LIN28B: variants seen among roughly 807,000 people sequenced by gnomAD.
LIN28B encodes the protein protein lin-28 homolog B.
LIN28B carries 5 observed loss-of-function variants against 21.9 expected under a neutral mutation model. The observed-to-expected ratio is 0.23, with a 90% CI of 0.12 to 0.48. The LOEUF is 0.48. Ranked by LOEUF, LIN28B falls within the 20% of genes least tolerant of loss-of-function variation. LIN28B has a pLI of 0.98. For synonymous variants in LIN28B, 109 were observed against 111.3 expected, an observed-to-expected ratio of 0.98 and a Z score of 0.13; for missense variants, 245 against 310.5, an observed-to-expected ratio of 0.79 and a Z score of 1.58.
intron 2 of LIN28B, among the ~76,000 whole-genome samples, chr6:104,994,772 C>G (rs1217652425): frequency 6.6e-6 from 1 of 152,124 alleles, no homozygotes; most frequent in Non-Finnish European, 1.5e-5. Context: ...CGGTGTGAGA[C>G]AGTTGGTTGA....
intron 3 of LIN28B, among the ~76,000 whole-genome samples, chr6:105,048,598 G>A (rs370997370): frequency 6.6e-6 from 1 of 152,162 alleles, no homozygotes; most frequent in African/African-American, 2.4e-5. Context: ...AATGGTACCA[G>A]CTCCTCCTGT....
rs2114427742 is a variant in LIN28B, at chr6:105,078,725, T to C, written c.695T>C (p.Ile232Thr). The change falls in exon 4 of 4, where the codon ATA becomes ACA. Residue 232 changes from isoleucine (I) to threonine (T), a missense_variant. Physicochemically the swap from Ile to Thr is moderately conservative, Grantham distance 89. Coordinates refer to ENST00000345080, the MANE Select transcript of LIN28B (RefSeq NM_001004317.4). ...PQEASSTKSS[I>T]APEEQSKKGP... ...GAAGCTTCCTCCACGAAGTCATCTA[T>C]AGCACCAGAAGAGCAAAGCAAAAAG... The C allele has an allele frequency of 6.2e-7, 1 of 1,614,058 alleles. No individual in the cohort carries two copies. Among genetic ancestry groups the C allele is most frequent in the Middle Eastern group, 1.6e-4 (1 of 6,062 alleles).
intron 2 of LIN28B, among the ~76,000 whole-genome samples, chr6:104,981,871 G>T (rs1460908334): frequency 6.6e-6 from 1 of 152,204 alleles, no homozygotes; most frequent in East Asian, 1.9e-4. Flanking sequence ...TCATGAACAA[G>T]TTTGAGCAGC....
At chr6:104,957,325 C>G in intron 1 of LIN28B, 65 bp downstream of exon 1, 1 of 1,067,430 alleles carries the variant, frequency 9.4e-7, no homozygotes, top group South Asian at 1.4e-5. Flanking sequence ...CCCTCCCCCT[C>G]TCCCACCCTT....
rs115792706 is a variant in LIN28B at position 105,051,837 on chromosome 6, T to C, written c.383+25355T>C. 9.5e-3 allele frequency among the ~76,000 whole-genome samples: 1,443 copies of C among 152,270 alleles called. 20 individuals carry two copies. The highest frequency in any genetic ancestry group is 0.033 in the African/African-American group (1,386 of 41,546). ...GAGCAGAGAATGGAACATACCAGGG[T>C]CTTGACGTCCTGGAGCACAGATTTT... On this transcript the variant is annotated intron_variant, in intron 3 of 3. Transcript: ENST00000345080.
chr6:104,962,421 T>A (rs938027233), intron 2 of LIN28B, among the ~76,000 whole-genome samples: 2 of 152,058 alleles, frequency 1.3e-5, no homozygotes, highest in Non-Finnish European at 2.9e-5. Flanking sequence ...TAGATTTTGA[T>A]CTTTATGGAT....
intron 2 of LIN28B, among the ~76,000 whole-genome samples, chr6:104,974,303 A>G (rs1770040745): frequency 6.6e-6 from 1 of 152,030 alleles, no homozygotes. Flanking sequence ...AGCCTGGCCA[A>G]TATGGTGAAA....
At chr6:104,966,045 T>A (rs1390189583) in intron 2 of LIN28B, among the ~76,000 whole-genome samples, 1 of 152,196 alleles carries the variant, frequency 6.6e-6, no homozygotes, top group African/African-American at 2.4e-5. Context: ...ACAAAAATAG[T>A]ACCCACTTTG....
intron 2 of LIN28B, among the ~76,000 whole-genome samples, chr6:104,969,745 T>A (rs532584596): frequency 2.6e-5 from 4 of 152,220 alleles, no homozygotes; most frequent in Non-Finnish European, 5.9e-5. Flanking sequence ...GTAAATTGAA[T>A]TAATTTGAAT....
At chr6:104,950,475 G>A (rs1177059182) in exon 3 of LIN28B, 1 of 1,229,304 alleles carries the variant, frequency 8.1e-7, no homozygotes. Context: ...TTCAGAAGAG[G>A]ATGAGGTCAT....
chr6:104,986,928 A>C (rs1215978063), intron 2 of LIN28B, among the ~76,000 whole-genome samples: 1 of 152,200 alleles, frequency 6.6e-6, no homozygotes. Flanking sequence ...AACTTTCTCA[A>C]AGAGCAATAC....
upstream of LIN28B, among the ~76,000 whole-genome samples, chr6:104,955,905 G>A (rs1385054886): frequency 2.6e-5 from 4 of 151,998 alleles, no homozygotes; most frequent in East Asian, 7.7e-4. Flanking sequence ...CAGAAATACT[G>A]TTGCCAGCAT....
At chr6:104,960,352 G>A (rs1254755463) in intron 2 of LIN28B, among the ~76,000 whole-genome samples, 2 of 152,030 alleles carry the variant, frequency 1.3e-5, no homozygotes, top group Non-Finnish European at 2.9e-5. Flanking sequence ...CATCACTTAT[G>A]GAATAAGGTT....
Position 104,979,545 on chromosome 6 carries a change from C to T in LIN28B, c.198+21259C>T, listed in dbSNP as rs529467188. ...TAAAATCACCCATTATTCTATCACT[C>T]AGAGATAACCACTGCTTACCCTTTG... On this transcript the variant is annotated intron_variant, in intron 2 of 3. Transcript: ENST00000345080. Among the ~76,000 whole-genome samples the T allele has an allele frequency of 9.2e-5, 14 of 151,946 alleles. No individual in the cohort carries two copies. In the East Asian group the frequency reaches 2.5e-3, roughly 27 times the overall value.
chr6:105,018,198 G>A (rs992592937), intron 2 of LIN28B, among the ~76,000 whole-genome samples: 1 of 152,044 alleles, frequency 6.6e-6, no homozygotes, highest in Admixed American at 6.6e-5. Flanking sequence ...GAGGCAGGAG[G>A]ATTGCTTGAG....
intron 3 of LIN28B, among the ~76,000 whole-genome samples, chr6:105,061,907 AC>A (rs568024768): frequency 6.6e-5 from 10 of 151,960 alleles, no homozygotes; most frequent in Non-Finnish European, 1.3e-4. Flanking sequence ...TAAAAATATT[AC>A]ATTGTAAAAT....
intron 3 of LIN28B, among the ~76,000 whole-genome samples, chr6:105,056,806 C>T (rs1772031925): frequency 6.6e-6 from 1 of 152,166 alleles, no homozygotes; most frequent in Admixed American, 6.5e-5. Context: ...TTATGGCTCA[C>T]TGAGATCCTG....
chr6:105,027,521 A>G (rs542329604), intron 3 of LIN28B, among the ~76,000 whole-genome samples: 2 of 151,972 alleles, frequency 1.3e-5, no homozygotes, highest in Admixed American at 6.5e-5. Context: ...AGTTCTCTTG[A>G]TATATTTAGG....
upstream of LIN28B, among the ~76,000 whole-genome samples, chr6:104,956,863 G>A (rs566265545): frequency 6.6e-6 from 1 of 152,100 alleles, no homozygotes; most frequent in Non-Finnish European, 1.5e-5. Context: ...GTAGAAGCAC[G>A]AAATCAGCAT....
Sources: allele counts gnomAD v4.1 joint callset (sites outside exome capture counted in the v4.1 genomes callset), GRCh38; gene constraint gnomAD v4.1.1; transcripts MANE v1.5; gene names NCBI Gene and HGNC (gene_info 2026-07-23, HGNC 2026-07-21).